HPSE2: variants seen among roughly 807,000 people sequenced by gnomAD.
The protein encoded by HPSE2 is heparanase 2 (inactive).
A neutral mutation model predicts 60.5 loss-of-function variants in HPSE2; 38 were observed. That is an observed-to-expected ratio of 0.63 (90% CI 0.48 to 0.82). The LOEUF (loss-of-function observed/expected upper bound fraction) is 0.82. HPSE2 is among the 40% of genes least tolerant of loss of function. HPSE2 has a pLI of 0.00. For missense variants in HPSE2, 713 were observed against 740.4 expected (o/e 0.96, Z 0.43); for synonymous variants, 295 against 293.2 (o/e 1.01, Z -0.06).
At chr10:99,114,203 T>C in intron 3 of HPSE2, among the ~76,000 whole-genome samples, 1 of 152,240 alleles carries the variant, frequency 6.6e-6, no homozygotes, top group East Asian at 1.9e-4. Flanking sequence ...GAAGTGCCTC[T>C]ACACCCTCTC....
chr10:98,722,930 T>C (rs1160381169), intron 4 of HPSE2, among the ~76,000 whole-genome samples: 3 of 152,308 alleles, frequency 2.0e-5, no homozygotes, highest in Middle Eastern at 3.4e-3. Context: ...TTTGACTTCC[T>C]CTTTTCCTAA....
intron 3 of HPSE2, among the ~76,000 whole-genome samples, chr10:99,143,033 T>C (rs1056963199): frequency 1.3e-5 from 2 of 152,176 alleles, no homozygotes; most frequent in Non-Finnish European, 2.9e-5. Context: ...GAAACATCTA[T>C]GCTCTTCCCA....
intron 1 of HPSE2, among the ~76,000 whole-genome samples, chr10:99,233,997 A>G (rs1260790117): frequency 6.6e-6 from 1 of 152,218 alleles, no homozygotes. Context: ...TTTTTAAAAA[A>G]AGAAAGAAAG....
intron 4 of HPSE2, among the ~76,000 whole-genome samples, chr10:98,738,091 G>C (rs1034119007): frequency 2.0e-5 from 3 of 152,064 alleles, no homozygotes; most frequent in Non-Finnish European, 4.4e-5. Context: ...ATACTACAAG[G>C]CTACAGTAAC....
chr10:98,646,608 T>C (rs1179107406), intron 6 of HPSE2, among the ~76,000 whole-genome samples: 1 of 152,202 alleles, frequency 6.6e-6, no homozygotes, highest in Non-Finnish European at 1.5e-5. Flanking sequence ...TACCTCTAGA[T>C]TGGCAGGTCA....
At chr10:99,069,519 A>C (rs972993921) in intron 3 of HPSE2, among the ~76,000 whole-genome samples, 22 of 151,894 alleles carry the variant, frequency 1.4e-4, no homozygotes, top group African/African-American at 5.3e-4. Context: ...TTTCCAATTT[A>C]AATAAAATAT....
At position 98,747,989 on chromosome 10, in the gene HPSE2, A is replaced by G. The variant is rs1338986471; in HGVS notation, c.611-3933T>C. ...TATAAGAAGTAGAAAGAGGCAAAAGAGAGATCTGTCTAAAATAATTATTGC... is the reference window on the plus strand; with the variant it reads ...TATAAGAAGTAGAAAGAGGCAAAAGGGAGATCTGTCTAAAATAATTATTGC... On this transcript the variant is annotated intron_variant, in intron 3 of 11. Transcript: ENST00000370552. Among the ~76,000 whole-genome samples, 3 of 152,186 alleles carry G rather than the reference A, an allele frequency of 2.0e-5. No homozygotes were observed. The East Asian group carries it at 5.8e-4, about 29-fold the overall frequency.
chr10:98,772,195 G>A (rs1336699943), intron 3 of HPSE2, among the ~76,000 whole-genome samples: 1 of 152,142 alleles, frequency 6.6e-6, no homozygotes. Context: ...GGCAGCCAAG[G>A]GTCCTTGACT....
chr10:98,529,064 G>A (rs979106265), intron 9 of HPSE2, among the ~76,000 whole-genome samples: 2 of 152,200 alleles, frequency 1.3e-5, no homozygotes, highest in East Asian at 3.9e-4. Context: ...TTTCAAATGC[G>A]CGCACGCGCG....
chr10:98,972,052 CT>C (rs1471312675), intron 3 of HPSE2, among the ~76,000 whole-genome samples: 1 of 152,084 alleles, frequency 6.6e-6, no homozygotes, highest in Non-Finnish European at 1.5e-5. Context: ...CCCCTCGAGC[CT>C]TTCAACGTAT....
At chr10:98,859,089 A>G (rs1196337807) in intron 3 of HPSE2, among the ~76,000 whole-genome samples, 2 of 152,192 alleles carry the variant, frequency 1.3e-5, no homozygotes, top group East Asian at 3.9e-4. Context: ...TCACTGTGCC[A>G]AGTTAATACT....
At chr10:98,581,818 A>C (rs1243755863) in intron 9 of HPSE2, among the ~76,000 whole-genome samples, 2 of 152,220 alleles carry the variant, frequency 1.3e-5, no homozygotes, top group East Asian at 3.8e-4. Context: ...TCTAACTTCT[A>C]AACAACCCCT....
intron 4 of HPSE2, among the ~76,000 whole-genome samples, chr10:98,722,686 T>A (rs946999305): frequency 1.3e-5 from 2 of 152,144 alleles, no homozygotes; most frequent in African/African-American, 4.8e-5. Flanking sequence ...TTGGTAGTTC[T>A]AAAAGGGGAG....
chr10:98,852,215 C>A (rs189126909), intron 3 of HPSE2, among the ~76,000 whole-genome samples: 93 of 147,796 alleles, frequency 6.3e-4, no homozygotes, highest in African/African-American at 2.3e-3. Flanking sequence ...ACTCCCATAG[C>A]CCTTATTACA....
At chr10:99,222,673 T>C (rs1849352275) in intron 2 of HPSE2, among the ~76,000 whole-genome samples, 1 of 152,220 alleles carries the variant, frequency 6.6e-6, no homozygotes, top group South Asian at 2.1e-4. Context: ...ATTATTCCCT[T>C]CAATGCATCT....
At chr10:98,895,883 A>G (rs1953474078) in intron 3 of HPSE2, among the ~76,000 whole-genome samples, 1 of 140,736 alleles carries the variant, frequency 7.1e-6, no homozygotes, top group South Asian at 2.3e-4. Flanking sequence ...GGAATTGAAC[A>G]ATGAGAACAC....
chr10:99,200,041 T>C lies in HPSE2; in HGVS notation c.448+32307A>G, dbSNP rs560243241. 6.6e-5 allele frequency among the ~76,000 whole-genome samples: 10 copies of C among 152,272 alleles called. No individual in the cohort carries two copies. In the South Asian group the frequency reaches 1.9e-3, roughly 28 times the overall value. ...AAATATTTTACCCTCTTTGATGCTA[T>C]TGTAAATGGAATTGTTTTATTTCCT... On this transcript the variant is annotated intron_variant, in intron 2 of 11. Transcript: ENST00000370552.
chr10:98,699,171 T>G (rs1196798105), intron 5 of HPSE2, among the ~76,000 whole-genome samples: 21 of 149,956 alleles, frequency 1.4e-4, no homozygotes, highest in Admixed American at 3.3e-4. Context: ...TACCAAAGCC[T>G]GGCAGAGACA....
At chr10:99,019,051 T>C (rs1290382395) in intron 3 of HPSE2, among the ~76,000 whole-genome samples, 4 of 152,220 alleles carry the variant, frequency 2.6e-5, no homozygotes, top group Admixed American at 2.6e-4. Flanking sequence ...TTTCTACTCA[T>C]TGACAAGTTT....
Sources: gnomAD v4.1 joint callset for allele counts (sites outside exome capture counted in the v4.1 genomes callset) on GRCh38, gnomAD v4.1.1 for gene constraint, MANE v1.5 for transcripts, NCBI Gene and HGNC (gene_info 2026-07-23, HGNC 2026-07-21) for gene names.